Variants in CACNA1C observed in about 807,000 individuals in gnomAD.
CACNA1C encodes calcium voltage-gated channel subunit alpha1 C, also known as voltage-dependent L-type calcium channel subunit alpha-1C.
In CACNA1C, 30 loss-of-function variants were observed where a neutral mutation model predicts 229.0. The ratio of observed to expected loss-of-function variants is 0.13; its 90% CI spans 0.10 to 0.18. The LOEUF (loss-of-function observed/expected upper bound fraction) is 0.18. Ranked by LOEUF, CACNA1C falls within the 10% of genes least tolerant of loss-of-function variation. The pLI, the probability that CACNA1C is intolerant of heterozygous loss-of-function variation, is 1.00. For missense variants in CACNA1C, 1,658 were observed against 2,845.0 expected, an observed-to-expected ratio of 0.58 and a Z score of 9.49; for synonymous variants, 1,114 against 1,132.5, an observed-to-expected ratio of 0.98 and a Z score of 0.33.
At chr12:2,359,192 C>T (rs80004763) in intron 3 of CACNA1C, among the ~76,000 whole-genome samples, 4,570 of 152,340 alleles carry the variant, frequency 0.03, 107 homozygotes, top group South Asian at 0.042. Flanking sequence ...CCTTTGCTCT[C>T]TGGTTCCCAC....
At chr12:1,981,656 A>G (rs1222586813) in intron 1 of CACNA1C, among the ~76,000 whole-genome samples, 3 of 152,216 alleles carry the variant, frequency 2.0e-5, no homozygotes, top group Admixed American at 1.3e-4. Flanking sequence ...CCAAAACCCA[A>G]CACAGAATCA....
intron 1 of CACNA1C, among the ~76,000 whole-genome samples, chr12:2,027,603 T>C (rs189217440): frequency 1.1e-4 from 17 of 152,322 alleles, no homozygotes; most frequent in African/African-American, 4.1e-4. Flanking sequence ...TAAATGCCTA[T>C]GAAGTGAGAG....
intron 1 of CACNA1C, among the ~76,000 whole-genome samples, chr12:2,018,642 G>A (rs2045845225): frequency 6.6e-6 from 1 of 152,184 alleles, no homozygotes; most frequent in Admixed American, 6.5e-5. Context: ...GCCAATGATG[G>A]GACGGAGCTC....
intron 1 of CACNA1C, among the ~76,000 whole-genome samples, chr12:1,986,697 G>C (rs2037894027): frequency 6.6e-6 from 1 of 152,146 alleles, no homozygotes; most frequent in East Asian, 1.9e-4. Context: ...CTGTGACTTG[G>C]CGCATTCTTG....
rs995296829 is a variant in CACNA1C, at chr12:2,692,624, A to C, written c.*1425A>C. 1.1e-4 allele frequency: 17 copies of C among 152,698 alleles called. No individual in the cohort carries two copies. Among genetic ancestry groups the C allele is most frequent in the Admixed American group, 9.8e-4 (15 of 15,292 alleles). 9.5% of individuals were successfully genotyped at this position (152,698 alleles called of 1,614,324 possible). On this transcript the variant is annotated 3_prime_UTR_variant, in exon 47 of 47. Transcript: ENST00000399655. Reference sequence around the variant, plus strand: ...AAACAATGCAATAATATTCATTTAAAAATACAATTGTGAGTTGTGTTGGCA... The same window carrying C: ...AAACAATGCAATAATATTCATTTAACAATACAATTGTGAGTTGTGTTGGCA...
intron 9 of CACNA1C, among the ~76,000 whole-genome samples, chr12:2,537,355 A>G (rs2099858203): frequency 6.6e-6 from 1 of 152,240 alleles, no homozygotes; most frequent in Non-Finnish European, 1.5e-5. Context: ...TCTCATCCAA[A>G]AAATGGGGAC....
At chr12:2,136,064 A>C (rs12579494) in intron 3 of CACNA1C, among the ~76,000 whole-genome samples, 3 of 150,040 alleles carry the variant, frequency 2.0e-5, no homozygotes, top group Middle Eastern at 3.2e-3. Flanking sequence ...GGAGTGACCC[A>C]ATTTTCCAGG....
At chr12:2,284,999 C>G (rs957564172) in intron 3 of CACNA1C, among the ~76,000 whole-genome samples, 1 of 152,180 alleles carries the variant, frequency 6.6e-6, no homozygotes, top group Non-Finnish European at 1.5e-5. Flanking sequence ...CTTCAGTGAG[C>G]GGGGCCTGGG....
intron 3 of CACNA1C, among the ~76,000 whole-genome samples, chr12:2,146,676 T>C (rs1050171283): frequency 6.6e-6 from 1 of 151,134 alleles, no homozygotes. Context: ...CAATTATTGG[T>C]TTTCCCATTC....
intron 3 of CACNA1C, among the ~76,000 whole-genome samples, chr12:2,254,036 AG>A (rs1193312574): frequency 6.6e-6 from 1 of 152,264 alleles, no homozygotes; most frequent in East Asian, 1.9e-4. Context: ...TGTGCTGGTG[AG>A]CCTGGAAGCC....
At chr12:2,089,579 G>A (rs1309134569) in intron 1 of CACNA1C, among the ~76,000 whole-genome samples, 7 of 152,166 alleles carry the variant, frequency 4.6e-5, no homozygotes, top group Non-Finnish European at 4.4e-5. Flanking sequence ...GGGCCCATCC[G>A]GGGCATGTTA....
At chr12:2,280,257 T>C (rs2090681559) in intron 3 of CACNA1C, among the ~76,000 whole-genome samples, 1 of 90,230 alleles carries the variant, frequency 1.1e-5, no homozygotes, top group Non-Finnish European at 2.1e-5. Context: ...TGTGCTTCGG[T>C]TTAACCTCTT....
At chr12:2,615,737 T>G (rs943597026) in intron 29 of CACNA1C, among the ~76,000 whole-genome samples, 2 of 152,228 alleles carry the variant, frequency 1.3e-5, no homozygotes, top group Non-Finnish European at 1.5e-5. Flanking sequence ...GCTACTCCAG[T>G]GTCGGCTGCT....
intron 1 of CACNA1C, among the ~76,000 whole-genome samples, chr12:1,978,884 G>A (rs879217818): frequency 6.6e-6 from 1 of 152,048 alleles, no homozygotes; most frequent in Admixed American, 6.6e-5. Context: ...TCTTCTTATC[G>A]CTGAGTAGTG....
At chr12:2,393,112 G>A (rs1019164909) in intron 3 of CACNA1C, among the ~76,000 whole-genome samples, 5 of 152,154 alleles carry the variant, frequency 3.3e-5, no homozygotes, top group African/African-American at 1.2e-4. Context: ...AAAGTGCACT[G>A]TCCTGCCTCG....
intron 1 of CACNA1C, among the ~76,000 whole-genome samples, chr12:1,985,976 A>G (rs1246407004): frequency 6.6e-6 from 1 of 151,952 alleles, no homozygotes; most frequent in African/African-American, 2.4e-5. Flanking sequence ...ACACTTGGCT[A>G]ATTTTGTTTT....
intron 3 of CACNA1C, among the ~76,000 whole-genome samples, chr12:2,438,347 A>ATGGTGG (rs1417753502): frequency 1.9e-5 from 2 of 104,348 alleles, no homozygotes; most frequent in Non-Finnish European, 4.1e-5. Flanking sequence ...GATAATGATG[A>ATGGTGG]TGGTGGTGGT....
intron 3 of CACNA1C, among the ~76,000 whole-genome samples, chr12:2,175,597 A>C (rs1254748817): frequency 6.6e-6 from 1 of 152,116 alleles, no homozygotes; most frequent in Non-Finnish European, 1.5e-5. Flanking sequence ...TTCATCTATT[A>C]CTGAGGCCCC....
rs1347221341 is a variant in CACNA1C at position 2,287,909 on chromosome 12, A to AT, written c.478-161061dup. The AT allele has an allele frequency of 5.9e-5, 9 of 151,932 alleles. No homozygotes were observed. Among genetic ancestry groups the AT allele is most frequent in the Non-Finnish European group, 1.0e-4 (7 of 68,010 alleles). 9.4% of individuals were successfully genotyped at this position (151,932 alleles called of 1,614,324 possible). ...CTGAAGATGTGGCCTGGGCATCTGA[A>AT]TTTTTTCACATTCTCCAGGTGATTT... is the stretch of plus-strand genomic sequence containing the variant. On this transcript the variant is annotated intron_variant, in intron 3 of 46. Transcript: ENST00000399655. This position sits in a 1 kb window ranked among gnomAD's most constrained non-coding sequence, Gnocchi z 4.6.
Sources: gnomAD v4.1 joint callset for allele counts (sites outside exome capture counted in the v4.1 genomes callset) on GRCh38, gnomAD v4.1.1 for gene constraint, Gnocchi (gnomAD v3.1) non-coding constraint, MANE v1.5 for transcripts, NCBI Gene and HGNC (gene_info 2026-07-23, HGNC 2026-07-21) for gene names.